Variants in TJP1 observed in about 807,000 individuals in gnomAD.
The protein encoded by TJP1 is tight junction protein ZO-1.
TJP1 carries 43 observed loss-of-function variants against 194.2 expected under a neutral mutation model. That is an observed-to-expected ratio of 0.22 (90% CI 0.17 to 0.29). The LOEUF (loss-of-function observed/expected upper bound fraction) is 0.29. Among genes scored for constraint, TJP1 ranks in the 10% least tolerant of loss-of-function variants. TJP1 has a pLI of 1.00. For missense variants in TJP1, 1,971 were observed against 2,185.7 expected, an observed-to-expected ratio of 0.90 and a Z score of 1.96; for synonymous variants, 801 against 779.0, an observed-to-expected ratio of 1.03 and a Z score of -0.47.
At chr15:29,844,137 C>T (rs785453) in intron 2 of TJP1, among the ~76,000 whole-genome samples, 19,183 of 152,168 alleles carry the variant, frequency 0.13, 1,491 homozygotes, top group East Asian at 0.26. Context: ...GGCTGCAGTG[C>T]GCGGCTCACT....
intron 2 of TJP1, among the ~76,000 whole-genome samples, chr15:29,837,646 C>T (rs1028164164): frequency 6.6e-5 from 10 of 152,158 alleles, no homozygotes; most frequent in Admixed American, 4.6e-4. Flanking sequence ...TATAAATGTA[C>T]GACTTTTACA....
intron 11 of TJP1, 56 bp downstream of exon 11, chr15:29,737,208 C>G: frequency 6.3e-7 from 1 of 1,586,840 alleles, no homozygotes; most frequent in Non-Finnish European, 8.6e-7. Flanking sequence ...TGTTTGATAC[C>G]TTTTTCTGGT....
chr15:29,709,265 G>A (rs934538087), intron 24 of TJP1, among the ~76,000 whole-genome samples: 2 of 152,080 alleles, frequency 1.3e-5, no homozygotes, highest in African/African-American at 4.8e-5. Context: ...GGGTCCAGCT[G>A]CTAAGATTCC....
chr15:29,914,713 C>T (rs1166455616), intron 2 of TJP1, among the ~76,000 whole-genome samples: 2 of 152,070 alleles, frequency 1.3e-5, no homozygotes, highest in African/African-American at 4.8e-5. Context: ...TTCCTAAATG[C>T]TCATACCTCA....
intron 2 of TJP1, among the ~76,000 whole-genome samples, chr15:29,783,837 AG>A (rs1346371057): frequency 6.6e-6 from 1 of 152,208 alleles, no homozygotes. Context: ...GAGCAGAGAA[AG>A]TAACTATTCG....
chr15:29,760,452 T>C (rs2045930436), intron 8 of TJP1: 1 of 545,636 alleles, frequency 1.8e-6, no homozygotes, highest in Non-Finnish European at 3.3e-6. Flanking sequence ...CTCGGCTCAC[T>C]GCAACCTCCG....
chr15:29,813,070 A>G (rs1219354676), intron 1 of TJP1, among the ~76,000 whole-genome samples: 1 of 152,134 alleles, frequency 6.6e-6, no homozygotes, highest in East Asian at 1.9e-4. Flanking sequence ...TTCCACAATT[A>G]TATTTTGAAA....
At chr15:29,860,659 TTTTG>T (rs940317332) in intron 2 of TJP1, among the ~76,000 whole-genome samples, 15 of 152,190 alleles carry the variant, frequency 9.9e-5, no homozygotes, top group African/African-American at 3.6e-4. Flanking sequence ...ATATACCACA[TTTTG>T]TTTGTCTATT....
intron 2 of TJP1, among the ~76,000 whole-genome samples, chr15:29,878,679 T>C (rs889028349): frequency 6.6e-6 from 1 of 152,078 alleles, no homozygotes; most frequent in African/African-American, 2.4e-5. Flanking sequence ...CTGTATAACA[T>C]CCAACCATGC....
Position 29,732,463 on chromosome 15 carries a change from T to C in TJP1, c.1987A>G (p.Arg663Gly). 1 of 1,613,910 alleles carries C rather than the reference T, an allele frequency of 6.2e-7. No individual in the cohort carries two copies. The highest frequency in any genetic ancestry group is 8.5e-7 in the Non-Finnish European group (1 of 1,180,024). ...ATTTGATAAATATCTGGTTCTTCTCTTGCCAGCTTTTCTCTGGCAACATCA... is the reference window on the plus strand; with the variant it reads ...ATTTGATAAATATCTGGTTCTTCTCCTGCCAGCTTTTCTCTGGCAACATCA... ...IADVAREKLA[R>G]EEPDIYQIAK... The change falls in exon 15 of 28, where the codon AGA (arginine) becomes GGA (glycine). Residue 663 changes from arginine to glycine, a missense_variant. Physicochemically the swap from Arg to Gly is moderately radical, Grantham distance 125. Transcript: ENST00000614355.
chr15:29,913,427 A>C (rs1299130375), intron 2 of TJP1, among the ~76,000 whole-genome samples: 1 of 152,200 alleles, frequency 6.6e-6, no homozygotes, highest in Non-Finnish European at 1.5e-5. Flanking sequence ...ATTTCTTAAA[A>C]TGGTTGCAAT....
At chr15:29,899,712 C>T (rs1252366527) in intron 2 of TJP1, among the ~76,000 whole-genome samples, 1 of 152,188 alleles carries the variant, frequency 6.6e-6, no homozygotes, top group Non-Finnish European at 1.5e-5. Context: ...ATAAAGTTGT[C>T]AGTTTTCTTT....
chr15:29,731,118 A>G, intron 15 of TJP1: 1 of 637,746 alleles, frequency 1.6e-6, no homozygotes, highest in Admixed American at 2.6e-5. Flanking sequence ...GTTCGCACAC[A>G]GAACACTTCA....
rs374273744 is a variant in TJP1, at chr15:29,761,159, C to T, written c.990G>A (p.Pro330=). Residue 330 remains proline (P), a synonymous_variant, in exon 8 of 28, where the codon CCG becomes CCA. Coordinates refer to ENST00000614355, the MANE Select transcript of TJP1 (RefSeq NM_001330239.4). ...CTTACCTGCCATTGCTTGGCTGCTG[C>T]GGCGAGTGCCTGGAATGATCAGAAG... ...SEPSDHSRHS[P]QQPSNGSLRS... is the part of the protein sequence containing the mutation. 33 of 1,602,510 alleles carry T rather than the reference C, an allele frequency of 2.1e-5. 1 individual carries two copies. The Middle Eastern group carries it at 5.0e-4, about 24-fold the overall frequency.
At position 29,732,425 on chromosome 15, in the gene TJP1, C is replaced by A. The variant is rs1237652054; in HGVS notation, c.2017+8G>T. On this transcript the variant is annotated splice_region_variant and intron_variant, in intron 15 of 27. Transcript: ENST00000614355. ...AACCTCATTTAAGTTAGCCTTGAGG[C>A]TACTTACTTGCAATTTGATAAATAT... The A allele has an allele frequency of 4.3e-6, 7 of 1,611,764 alleles. No individual in the cohort carries two copies. Among genetic ancestry groups the A allele is most frequent in the South Asian group, 1.1e-5 (1 of 90,976 alleles).
chr15:29,704,768 A>G (rs1320895891), intron 26 of TJP1, among the ~76,000 whole-genome samples: 1 of 152,192 alleles, frequency 6.6e-6, no homozygotes, highest in Non-Finnish European at 1.5e-5. Context: ...TATATTTTCC[A>G]TTTTCAAAAT....
intron 2 of TJP1, among the ~76,000 whole-genome samples, chr15:29,829,029 G>A (rs1233557628): frequency 6.6e-6 from 1 of 152,168 alleles, no homozygotes; most frequent in Non-Finnish European, 1.5e-5. Flanking sequence ...TGAGATTACA[G>A]GCATGAGCCA....
At chr15:29,722,530 G>C (rs948012315) in intron 18 of TJP1, among the ~76,000 whole-genome samples, 2 of 151,664 alleles carry the variant, frequency 1.3e-5, no homozygotes, top group Non-Finnish European at 2.9e-5. Context: ...GAAATGCCTG[G>C]ATGTCCAGGC....
chr15:29,855,598 G>C (rs894405505), intron 2 of TJP1, among the ~76,000 whole-genome samples: 2 of 152,170 alleles, frequency 1.3e-5, no homozygotes, highest in Non-Finnish European at 2.9e-5. Flanking sequence ...GCTCACACCT[G>C]TAATCCCAGC....
Sources: allele counts gnomAD v4.1 joint callset (sites outside exome capture counted in the v4.1 genomes callset), GRCh38; gene constraint gnomAD v4.1.1; transcripts MANE v1.5; gene names NCBI Gene and HGNC (gene_info 2026-07-23, HGNC 2026-07-21).